The following EPHB1 variants were observed in gnomAD, a reference collection of about 807,000 sequenced individuals.
EPHB1 encodes the protein ephrin type-B receptor 1.
In EPHB1, 30 loss-of-function variants were observed where a neutral mutation model predicts 94.4. That is an observed-to-expected ratio of 0.32 (90% CI 0.24 to 0.43). The LOEUF (loss-of-function observed/expected upper bound fraction) is 0.43. EPHB1 is among the 20% of genes least tolerant of loss of function. EPHB1 has a pLI of 1.00. For synonymous variants in EPHB1, 522 were observed against 489.1 expected, an observed-to-expected ratio of 1.07 and a Z score of -0.89; for missense variants, 1,055 against 1,308.3, an observed-to-expected ratio of 0.81 and a Z score of 2.99.
intron 3 of EPHB1, among the ~76,000 whole-genome samples, chr3:134,958,449 T>A (rs1007129607): frequency 1.4e-4 from 21 of 146,086 alleles, no homozygotes; most frequent in Admixed American, 3.4e-4. Context: ...TGTGTGTGTG[T>A]GAGGCCTCAG....
intron 1 of EPHB1, among the ~76,000 whole-genome samples, chr3:134,879,777 T>G (rs189102584): frequency 8.2e-4 from 125 of 152,156 alleles, no homozygotes; most frequent in African/African-American, 2.8e-3. Flanking sequence ...GCAGAAAGGT[T>G]TATATCAAAA....
chr3:134,970,986 A>G (rs899540061), intron 3 of EPHB1, among the ~76,000 whole-genome samples: 1 of 152,224 alleles, frequency 6.6e-6, no homozygotes, highest in African/African-American at 2.4e-5. Context: ...GAAGTGCTCT[A>G]ATGCCCTGGG....
intron 3 of EPHB1, among the ~76,000 whole-genome samples, chr3:135,102,747 G>C (rs546401996): frequency 6.6e-6 from 1 of 152,300 alleles, no homozygotes; most frequent in Admixed American, 6.5e-5. Flanking sequence ...ATCAATGATA[G>C]ACTGGATAAA....
chr3:134,942,889 G>A (rs960373580), intron 2 of EPHB1, among the ~76,000 whole-genome samples: 1 of 152,226 alleles, frequency 6.6e-6, no homozygotes, highest in Non-Finnish European at 1.5e-5. Context: ...CAGCCTGGTA[G>A]CAGAAACCAA....
At chr3:135,196,234 A>G (rs575114733) in intron 11 of EPHB1, among the ~76,000 whole-genome samples, 1 of 152,148 alleles carries the variant, frequency 6.6e-6, no homozygotes, top group East Asian at 1.9e-4. Flanking sequence ...TCTGGATATT[A>G]GCCCTTTGTC....
chr3:134,878,961 A>G (rs2037671627), intron 1 of EPHB1, among the ~76,000 whole-genome samples: 1 of 152,224 alleles, frequency 6.6e-6, no homozygotes, highest in Non-Finnish European at 1.5e-5. Context: ...AGAGGTGTTA[A>G]AGACACACCA....
intron 10 of EPHB1, among the ~76,000 whole-genome samples, chr3:135,184,494 G>A (rs1353622509): frequency 6.6e-6 from 1 of 152,162 alleles, no homozygotes; most frequent in African/African-American, 2.4e-5. Context: ...AAGTTCTATG[G>A]GAGCAAGGGA....
At chr3:135,032,316 ATC>A in intron 3 of EPHB1, among the ~76,000 whole-genome samples, 2 of 147,486 alleles carry the variant, frequency 1.4e-5, no homozygotes, top group Non-Finnish European at 3.0e-5. Flanking sequence ...CTCCTACTTC[ATC>A]ATAAAACTAT....
intron 2 of EPHB1, among the ~76,000 whole-genome samples, chr3:134,940,751 C>G (rs1192695744): frequency 6.6e-6 from 1 of 152,206 alleles, no homozygotes; most frequent in East Asian, 1.9e-4. Flanking sequence ...TGCTACCTGA[C>G]TTTATATTAT....
chr3:134,908,955 A>T (rs2038395193), intron 1 of EPHB1, among the ~76,000 whole-genome samples: 1 of 147,168 alleles, frequency 6.8e-6, no homozygotes, highest in Admixed American at 6.7e-5. Context: ...GGGGCTCCTC[A>T]GACAGTTGTT....
At chr3:135,235,298 C>T (rs769548104) in intron 12 of EPHB1, among the ~76,000 whole-genome samples, 2 of 152,200 alleles carry the variant, frequency 1.3e-5, no homozygotes, top group Non-Finnish European at 2.9e-5. Context: ...CAATCCATGA[C>T]TTATGTCGGA....
chr3:134,825,236 C>T (rs2036455234), intron 1 of EPHB1, among the ~76,000 whole-genome samples: 1 of 152,210 alleles, frequency 6.6e-6, no homozygotes, highest in South Asian at 2.1e-4. Flanking sequence ...CTAAAGGAGG[C>T]AGGCTGGAGA....
At chr3:135,167,617 C>T (rs779762133) in intron 9 of EPHB1, among the ~76,000 whole-genome samples, 6 of 152,182 alleles carry the variant, frequency 3.9e-5, no homozygotes, top group Non-Finnish European at 7.3e-5. Flanking sequence ...AGTTCCCTGT[C>T]ACACTCATTT....
intron 12 of EPHB1, among the ~76,000 whole-genome samples, chr3:135,222,916 C>T (rs558715310): frequency 6.6e-6 from 1 of 152,256 alleles, no homozygotes; most frequent in East Asian, 1.9e-4. Flanking sequence ...GAATGGTCTC[C>T]TCCAAATGCA....
chr3:135,242,027 G>C (rs539168821), intron 13 of EPHB1, among the ~76,000 whole-genome samples: 10 of 152,318 alleles, frequency 6.6e-5, no homozygotes, highest in African/African-American at 2.4e-4. Context: ...TTTTTGGAAT[G>C]TTCCACATGA....
chr3:134,931,612 A>G (rs1479703324), intron 2 of EPHB1, among the ~76,000 whole-genome samples: 3 of 152,202 alleles, frequency 2.0e-5, no homozygotes, highest in African/African-American at 7.2e-5. Flanking sequence ...CACCATAGGA[A>G]AGGGGATGCG....
chr3:135,020,034 A>G (rs1311879283), intron 3 of EPHB1, among the ~76,000 whole-genome samples: 3 of 152,228 alleles, frequency 2.0e-5, no homozygotes, highest in African/African-American at 7.2e-5. Context: ...CTTCATCCGC[A>G]TTGAGCATTA....
intron 3 of EPHB1, among the ~76,000 whole-genome samples, chr3:135,065,779 T>G (rs180835049): frequency 1.3e-5 from 2 of 152,336 alleles, no homozygotes; most frequent in African/African-American, 4.8e-5. Context: ...AATTGTACTT[T>G]TGTTTTATAG....
chr3:134,908,435 G>A (rs1369318733), intron 1 of EPHB1, among the ~76,000 whole-genome samples: 5 of 152,162 alleles, frequency 3.3e-5, no homozygotes, highest in Admixed American at 3.3e-4. Context: ...TCCTACCCAG[G>A]CAGCCTGCAG....
Sources: gnomAD v4.1 joint callset for allele counts (sites outside exome capture counted in the v4.1 genomes callset) on GRCh38, gnomAD v4.1.1 for gene constraint, MANE v1.5 for transcripts, NCBI Gene and HGNC (gene_info 2026-07-23, HGNC 2026-07-21) for gene names.